The following TSHZ2 variants were observed in gnomAD, a reference collection of about 807,000 sequenced individuals.
TSHZ2 encodes teashirt homolog 2.
TSHZ2 carries 21 observed loss-of-function variants against 74.4 expected under a neutral mutation model. The observed-to-expected ratio is 0.28, with a 90% CI of 0.20 to 0.41. The LOEUF (loss-of-function observed/expected upper bound fraction) is 0.41. Ranked by LOEUF, TSHZ2 falls within the 10% of genes least tolerant of loss-of-function variation. The pLI, the probability that TSHZ2 is intolerant of heterozygous loss-of-function variation, is 1.00. For missense variants in TSHZ2, 1,244 were observed against 1,293.5 expected (o/e 0.96, Z 0.59); for synonymous variants, 540 against 515.3 (o/e 1.05, Z -0.65).
chr20:53,087,244 A>AAG (rs975482646), intron 1 of TSHZ2, among the ~76,000 whole-genome samples: 1 of 152,234 alleles, frequency 6.6e-6, no homozygotes, highest in Admixed American at 6.5e-5. Flanking sequence ...GTAAACAAGT[A>AAG]GTTACTCCAA....
chr20:53,155,179 G>A (rs145914386), intron 1 of TSHZ2, among the ~76,000 whole-genome samples: 144 of 151,312 alleles, frequency 9.5e-4, no homozygotes, highest in Admixed American at 1.6e-3. Context: ...ATTCTGATCC[G>A]GAACTGGACC....
chr20:52,973,467 C>A, intron 1 of TSHZ2, 134 bp downstream of exon 1: 1 of 1,158,268 alleles, frequency 8.6e-7, no homozygotes, highest in Non-Finnish European at 1.2e-6. Flanking sequence ...CTTCTAATAA[C>A]CCCGTCCTCT....
intron 2 of TSHZ2, among the ~76,000 whole-genome samples, chr20:53,458,012 A>C (rs1007808259): frequency 3.3e-5 from 5 of 151,892 alleles, no homozygotes; most frequent in Non-Finnish European, 7.4e-5. Context: ...ATATTGGTCT[A>C]AAATTCTCTT....
At position 53,248,878 on chromosome 20, in the gene TSHZ2, G is replaced by A. The variant is rs368595290; in HGVS notation, c.41-4621G>A. Among the ~76,000 whole-genome samples the A allele has an allele frequency of 1.2e-4, 18 of 152,142 alleles. No homozygotes were observed. The East Asian group carries it at 1.4e-3, about 11-fold the overall frequency. On this transcript the variant is annotated intron_variant, in intron 1 of 2. Transcript: ENST00000371497. ...ATTTTAGACAGAGTTGCACTCTGTC[G>A]CCCAGGCTGGAGTGCAGTGGCAGAA...
At chr20:53,160,267 G>T (rs1193815915) in intron 1 of TSHZ2, among the ~76,000 whole-genome samples, 1 of 152,176 alleles carries the variant, frequency 6.6e-6, no homozygotes, top group Non-Finnish European at 1.5e-5. Flanking sequence ...CATTGAAAGG[G>T]CTAAAGGGGG....
At chr20:53,195,613 C>A (rs1006699824) in intron 1 of TSHZ2, among the ~76,000 whole-genome samples, 5 of 152,160 alleles carry the variant, frequency 3.3e-5, no homozygotes, top group East Asian at 1.9e-4. Context: ...GATTAAGGCA[C>A]CTCAGTTTAC....
chr20:53,093,182 T>C (rs916881909), intron 1 of TSHZ2, among the ~76,000 whole-genome samples: 5 of 152,152 alleles, frequency 3.3e-5, no homozygotes, highest in Non-Finnish European at 5.9e-5. Flanking sequence ...ATACAACCCC[T>C]CTGATGGGTT....
intron 2 of TSHZ2, among the ~76,000 whole-genome samples, chr20:53,323,963 G>A (rs906674676): frequency 1.3e-5 from 2 of 152,102 alleles, no homozygotes; most frequent in Admixed American, 6.6e-5. Context: ...AGGGGCAGAC[G>A]GGTAGGGCAA....
chr20:53,349,073 T>C lies in TSHZ2; in HGVS notation c.*8+92502T>C, dbSNP rs533917838. Among the ~76,000 whole-genome samples, 8 of 152,336 alleles carry C rather than the reference T, an allele frequency of 5.3e-5. No individual in the cohort carries two copies. The East Asian group carries it at 1.5e-3, about 29-fold the overall frequency. On this transcript the variant is annotated intron_variant, in intron 2 of 2. Transcript: ENST00000371497. ...GCTAAAATCTCTCTGCAAAGCCCAG[T>C]TGAACAGTGTCCAGGTGTGCCCCCA...
chr20:53,067,496 C>G (rs541140119), intron 1 of TSHZ2, among the ~76,000 whole-genome samples: 1 of 152,334 alleles, frequency 6.6e-6, no homozygotes. Context: ...CTTTCTCTTT[C>G]TAGCCCTCCT....
chr20:53,018,905 T>C (rs1180672312), intron 1 of TSHZ2, among the ~76,000 whole-genome samples: 3 of 152,210 alleles, frequency 2.0e-5, no homozygotes, highest in African/African-American at 7.2e-5. Flanking sequence ...TAAAAATATG[T>C]TAAGATTATT....
chr20:53,411,930 A>G (rs575523158), intron 2 of TSHZ2, among the ~76,000 whole-genome samples: 10 of 152,368 alleles, frequency 6.6e-5, no homozygotes, highest in Admixed American at 2.6e-4. Context: ...ACACATAATG[A>G]GCATTAAATA....
chr20:53,065,658 G>A (rs1984960066), intron 1 of TSHZ2, among the ~76,000 whole-genome samples: 1 of 152,120 alleles, frequency 6.6e-6, no homozygotes, highest in African/African-American at 2.4e-5. Flanking sequence ...TCTGGAAGGG[G>A]GCGTGGAAAT....
intron 2 of TSHZ2, among the ~76,000 whole-genome samples, chr20:53,366,444 G>A (rs79086024): frequency 0.016 from 2,400 of 152,298 alleles, 65 homozygotes; most frequent in African/African-American, 0.05. Context: ...TTTTGTGTGT[G>A]CCAATACGCA....
chr20:53,051,457 GCACACACACA>G (rs11474223), intron 1 of TSHZ2, among the ~76,000 whole-genome samples: 13,035 of 145,164 alleles, frequency 0.09, 1,578 homozygotes, highest in African/African-American at 0.27. Context: ...TGTGGCGCAC[GCACACACACA>G]CACACACACA....
intron 1 of TSHZ2, among the ~76,000 whole-genome samples, chr20:53,052,969 C>T (rs1436986690): frequency 7.9e-5 from 12 of 152,118 alleles, no homozygotes; most frequent in East Asian, 3.9e-4. Flanking sequence ...ACCGTCGTCG[C>T]GGTATCTAAT....
At chr20:53,148,604 T>C (rs148419696) in intron 1 of TSHZ2, among the ~76,000 whole-genome samples, 16 of 152,222 alleles carry the variant, frequency 1.1e-4, no homozygotes, top group Non-Finnish European at 2.1e-4. Context: ...GTGGTTTTGA[T>C]TGAAAGAAAA....
chr20:53,291,918 C>T (rs1991285273), intron 2 of TSHZ2, among the ~76,000 whole-genome samples: 1 of 151,178 alleles, frequency 6.6e-6, no homozygotes, highest in South Asian at 2.1e-4. Context: ...ATACTGACAC[C>T]ATGGTACAGA....
intron 2 of TSHZ2, among the ~76,000 whole-genome samples, chr20:53,353,970 G>A: frequency 6.6e-6 from 1 of 152,302 alleles, no homozygotes; most frequent in Non-Finnish European, 1.5e-5. Flanking sequence ...GACAATATCA[G>A]GCACATTGGG....
Sources: allele counts gnomAD v4.1 joint callset (sites outside exome capture counted in the v4.1 genomes callset), GRCh38; gene constraint gnomAD v4.1.1; transcripts MANE v1.5; gene names NCBI Gene and HGNC (gene_info 2026-07-23, HGNC 2026-07-21).